The following PAN3 variants were observed in gnomAD, a reference collection of about 807,000 sequenced individuals.
PAN3 encodes poly(A) specific ribonuclease subunit PAN3.
In PAN3, 19 loss-of-function variants were observed where a neutral mutation model predicts 96.2. The observed-to-expected ratio is 0.20, with a 90% confidence interval of 0.14 to 0.29. PAN3 has a LOEUF of 0.29. Among genes scored for constraint, PAN3 ranks in the 10% least tolerant of loss-of-function variants. The probability of loss-of-function intolerance (pLI) is 1.00; values close to 1 mark genes in which losing one functional copy is unlikely to be tolerated. For synonymous variants in PAN3, 433 were observed against 406.6 expected (o/e 1.06, Z -0.78); for missense variants, 882 against 1,108.1 (o/e 0.80, Z 2.90).
rs568271554 is a variant in PAN3 at position 28,142,536 on chromosome 13, A to C, written c.430+3449A>C. Among the ~76,000 whole-genome samples the C allele has an allele frequency of 4.7e-5, 5 of 106,038 alleles. No individual in the cohort carries two copies. The South Asian group carries it at 1.0e-3, about 22-fold the overall frequency. The allele number at this position is 106,038 out of a possible 152,430, so 69.6% of individuals were successfully genotyped here. ...ATTTTTTTTTTTTTTTTTTTGAGAC[A>C]GGGACCACAGGCACTGGCTACCAAG... On this transcript the variant is annotated intron_variant, in intron 1 of 18. Coordinates refer to ENST00000380958, the MANE Select transcript of PAN3 (RefSeq NM_175854.8).
chr13:28,200,119 A>G (rs934231659), intron 5 of PAN3, among the ~76,000 whole-genome samples: 1 of 152,200 alleles, frequency 6.6e-6, no homozygotes, highest in African/African-American at 2.4e-5. Context: ...GTCAGACTCA[A>G]AATCTCTTTA....
At chr13:28,191,147 A>G (rs1347435799) in intron 4 of PAN3, among the ~76,000 whole-genome samples, 7 of 152,198 alleles carry the variant, frequency 4.6e-5, no homozygotes, top group African/African-American at 9.6e-5. Context: ...AGGGGCTTGG[A>G]TCTTAAAGAA....
intron 5 of PAN3, among the ~76,000 whole-genome samples, chr13:28,206,390 C>T (rs1879370049): frequency 7.4e-6 from 1 of 135,336 alleles, no homozygotes; most frequent in Admixed American, 8.3e-5. Flanking sequence ...GTGGTGCGAT[C>T]TCGGCTTACT....
intron 6 of PAN3, among the ~76,000 whole-genome samples, chr13:28,234,228 G>T (rs948741258): frequency 3.9e-5 from 6 of 152,118 alleles, no homozygotes; most frequent in African/African-American, 1.4e-4. Flanking sequence ...GCAGGGTCTT[G>T]CTCTCTTTTC....
chr13:28,230,621 TATTG>T (rs1246090294), intron 6 of PAN3, among the ~76,000 whole-genome samples: 6 of 152,226 alleles, frequency 3.9e-5, no homozygotes, highest in Non-Finnish European at 5.9e-5. Context: ...AAGAGGCACT[TATTG>T]ATTCAACCAC....
chr13:28,179,149 C>T (rs1051169921), intron 4 of PAN3, among the ~76,000 whole-genome samples: 28 of 152,172 alleles, frequency 1.8e-4, no homozygotes, highest in Non-Finnish European at 3.8e-4. Context: ...CTTATAGGCT[C>T]TTATCATGGA....
chr13:28,167,202 C>T lies in PAN3; in HGVS notation c.431-7070C>T, dbSNP rs537059356. ...GTACTCTCTTCCAATACCACACCCC[C>T]GTTTTTTATTTTGAGACAGAGTCTC... On this transcript the variant is annotated intron_variant, in intron 1 of 18. Coordinates refer to ENST00000380958, the MANE Select transcript of PAN3 (RefSeq NM_175854.8). Among the ~76,000 whole-genome samples the T allele has an allele frequency of 9.2e-5, 14 of 151,356 alleles. No individual in the cohort carries two copies. In the South Asian group the frequency reaches 2.9e-3, roughly 32 times the overall value.
At chr13:28,230,854 AAC>A (rs2138435739) in intron 6 of PAN3, among the ~76,000 whole-genome samples, 1 of 151,746 alleles carries the variant, frequency 6.6e-6, no homozygotes, top group South Asian at 2.1e-4. Flanking sequence ...CATTTACTCA[AAC>A]AGTCACTACC....
rs563716022 is a variant in PAN3, at chr13:28,288,952, A to G, written c.2523+830A>G. 3.2e-4 allele frequency among the ~76,000 whole-genome samples: 47 copies of G among 148,060 alleles called. No individual in the cohort carries two copies. The Middle Eastern group carries it at 0.011, about 34-fold the overall frequency. ...CGCCATTCTCCTGCCTCAGCCTCCC[A>G]AGTAGCTGGGACTACAGGCACCCAC... On this transcript the variant is annotated intron_variant, in intron 18 of 18. Coordinates refer to ENST00000380958, the MANE Select transcript of PAN3 (RefSeq NM_175854.8).
At chr13:28,178,728 A>C (rs1463318285) in intron 4 of PAN3, among the ~76,000 whole-genome samples, 1 of 152,148 alleles carries the variant, frequency 6.6e-6, no homozygotes, top group East Asian at 1.9e-4. Flanking sequence ...AATGAAGATA[A>C]AATATTTCAA....
intron 4 of PAN3, among the ~76,000 whole-genome samples, chr13:28,179,112 C>T (rs528019717): frequency 7.9e-5 from 12 of 152,272 alleles, no homozygotes; most frequent in African/African-American, 2.9e-4. Flanking sequence ...AATTGATAGA[C>T]TAAAATCTGT....
In PAN3 at chr13:28,201,042, T is replaced by TC. The variant is rs1878629551; in HGVS notation, c.852+3696_852+3697insC. ...GAAACTCTCTCTGTCTCTCTCTCTC[T>TC]TTTTTTTTTTTCGAGACAGGGTCTC... is the stretch of plus-strand genomic sequence containing the variant. On this transcript the variant is annotated intron_variant, in intron 5 of 18. Coordinates refer to ENST00000380958, the MANE Select transcript of PAN3 (RefSeq NM_175854.8). 2.8e-5 allele frequency among the ~76,000 whole-genome samples: 4 copies of TC among 144,192 alleles called. No individual in the cohort carries two copies. In the South Asian group the frequency reaches 8.7e-4, roughly 31 times the overall value. 94.6% of individuals were successfully genotyped at this position (144,192 alleles called of 152,430 possible).
intron 12 of PAN3, among the ~76,000 whole-genome samples, chr13:28,268,069 A>T (rs767833312): frequency 6.6e-6 from 1 of 152,204 alleles, no homozygotes; most frequent in Non-Finnish European, 1.5e-5. Context: ...TCTTTTAAAA[A>T]TATGATGCTT....
chr13:28,290,778 A>T (rs1869658464), intron 18 of PAN3, among the ~76,000 whole-genome samples: 1 of 152,224 alleles, frequency 6.6e-6, no homozygotes, highest in African/African-American at 2.4e-5. Context: ...GTTAGGGGAA[A>T]AACCTTTTCT....
At position 28,215,817 on chromosome 13, in the gene PAN3, G is replaced by A. The variant is rs1252047353; in HGVS notation, c.853-4414G>A. 2.2e-6 allele frequency: 3 copies of A among 1,366,948 alleles called. No homozygotes were observed. The African/African-American group carries it at 4.3e-5, about 19-fold the overall frequency. 84.7% of individuals were successfully genotyped at this position (1,366,948 alleles called of 1,614,324 possible). A position where few individuals can be genotyped will look rare whatever the true frequency, so the allele number is the denominator to read the frequency against. On this transcript the variant is annotated intron_variant, in intron 5 of 18. Coordinates refer to ENST00000380958, the MANE Select transcript of PAN3 (RefSeq NM_175854.8). ...TGTGAGACAGACAGTTGCTGTGGGT[G>A]TCATCAAAGCAGTGGACAAGAAGGC... is the stretch of plus-strand genomic sequence containing the variant.
intron 15 of PAN3, among the ~76,000 whole-genome samples, chr13:28,279,773 C>A (rs991933512): frequency 1.0e-4 from 15 of 150,734 alleles, no homozygotes; most frequent in South Asian, 2.1e-4. Flanking sequence ...AAAAAAAATT[C>A]TTTCTATTAA....
chr13:28,169,554 G>A (rs780801666), intron 1 of PAN3, among the ~76,000 whole-genome samples: 6 of 151,486 alleles, frequency 4.0e-5, no homozygotes, highest in Non-Finnish European at 7.4e-5. Context: ...TGAACACCTG[G>A]TGAAGTAGGT....
intron 14 of PAN3, among the ~76,000 whole-genome samples, chr13:28,272,568 G>T (rs1272835536): frequency 6.6e-6 from 1 of 151,166 alleles, no homozygotes; most frequent in Non-Finnish European, 1.5e-5. Flanking sequence ...CAATGTCAGA[G>T]ACTCTTTTTT....
chr13:28,270,590 C>A lies in PAN3; in HGVS notation c.1793-111C>A, dbSNP rs142797655. On this transcript the variant is annotated intron_variant, in intron 12 of 18. Coordinates refer to ENST00000380958, the MANE Select transcript of PAN3 (RefSeq NM_175854.8). The stretch of plus-strand genomic sequence containing the variant: ...ACATACACACACATATATAAATTGA[C>A]ATGTTGTGCCATGAGTGTACATGAA... 7.4e-4 allele frequency: 792 copies of A among 1,068,674 alleles called. 3 individuals are homozygous for A. In the African/African-American group the frequency reaches 0.011, roughly 15 times the overall value. 66.2% of individuals were successfully genotyped at this position (1,068,674 alleles called of 1,614,324 possible).
Sources: gnomAD v4.1 joint callset for allele counts (sites outside exome capture counted in the v4.1 genomes callset) on GRCh38, gnomAD v4.1.1 for gene constraint, MANE v1.5 for transcripts, NCBI Gene and HGNC (gene_info 2026-07-23, HGNC 2026-07-21) for gene names.